CDC14A: variants seen among roughly 807,000 people sequenced by gnomAD.
CDC14A encodes dual specificity protein phosphatase CDC14A.
CDC14A carries 53 observed loss-of-function variants against 74.4 expected under a neutral mutation model. That is an observed-to-expected ratio of 0.71 (90% confidence interval 0.57 to 0.89). CDC14A has a LOEUF of 0.89. Among genes scored for constraint, CDC14A ranks in the 40% least tolerant of loss-of-function variants. The pLI is 0.00. For synonymous variants in CDC14A, 247 were observed against 258.4 expected, an observed-to-expected ratio of 0.96 and a Z score of 0.43; for missense variants, 646 against 713.7, an observed-to-expected ratio of 0.91 and a Z score of 1.08.
At chr1:100,465,229 C>T (rs894471316) in intron 9 of CDC14A, among the ~76,000 whole-genome samples, 6 of 152,222 alleles carry the variant, frequency 3.9e-5, no homozygotes, top group Non-Finnish European at 7.4e-5. Flanking sequence ...TCCCAAAGTG[C>T]GGGGATTACA....
At chr1:100,373,854 G>A (rs1241508975) in intron 2 of CDC14A, among the ~76,000 whole-genome samples, 2 of 151,832 alleles carry the variant, frequency 1.3e-5, no homozygotes, top group Admixed American at 6.6e-5. Flanking sequence ...TGCACAATGT[G>A]CAGGTTAGTT....
chr1:100,504,913 C>T (rs1649101543), intron 15 of CDC14A: 2 of 1,529,512 alleles, frequency 1.3e-6, no homozygotes, highest in East Asian at 2.4e-5. Flanking sequence ...TATTACCTCC[C>T]ATGTCTTCTG....
At chr1:100,408,178 T>G (rs1257075677) in intron 4 of CDC14A, among the ~76,000 whole-genome samples, 1 of 152,234 alleles carries the variant, frequency 6.6e-6, no homozygotes, top group Non-Finnish European at 1.5e-5. Context: ...TTTGGTTTTC[T>G]GTTCCTGCAA....
intron 4 of CDC14A, among the ~76,000 whole-genome samples, chr1:100,412,709 T>TA (rs1322246207): frequency 1.0e-5 from 1 of 100,028 alleles, no homozygotes; most frequent in Non-Finnish European, 1.8e-5. Context: ...TATATATATA[T>TA]ATATATATAT....
intron 4 of CDC14A, chr1:100,393,037 A>C (rs1571047566): frequency 7.3e-7 from 1 of 1,378,776 alleles, no homozygotes; most frequent in East Asian, 2.3e-5. Context: ...GTCTTTTCAG[A>C]AGTCTTGCCG....
intron 6 of CDC14A, among the ~76,000 whole-genome samples, chr1:100,441,347 G>A (rs1286911824): frequency 6.6e-6 from 1 of 152,138 alleles, no homozygotes; most frequent in Admixed American, 6.5e-5. Flanking sequence ...GACATTTCCT[G>A]TAAGTTCATT....
At position 100,519,457 on chromosome 1, in the gene CDC14A, G is replaced by C. The variant is rs1650516522; in HGVS notation, c.*1177G>C. 1 of 152,060 alleles carries C rather than the reference G, an allele frequency of 6.6e-6. No individual in the cohort carries two copies. The highest frequency in any genetic ancestry group is 1.5e-5 in the Non-Finnish European group (1 of 67,974). 9.4% of individuals were successfully genotyped at this position (152,060 alleles called of 1,614,324 possible). On this transcript the variant is annotated 3_prime_UTR_variant, in exon 16 of 16. Coordinates refer to ENST00000336454, the MANE Select transcript of CDC14A (RefSeq NM_003672.4). The stretch of plus-strand genomic sequence containing the variant: ...TCATTTCTATGAGGAATCGAGGAGC[G>C]TTACATCCTGATATCCTTCCAGGCT...
At chr1:100,487,143 G>A (rs954223221) in intron 11 of CDC14A, among the ~76,000 whole-genome samples, 2 of 152,168 alleles carry the variant, frequency 1.3e-5, no homozygotes, top group East Asian at 3.9e-4. Context: ...TCTTGAGATT[G>A]ACTTTTAAAA....
intron 11 of CDC14A, chr1:100,486,017 C>G (rs994756461): frequency 2.6e-5 from 4 of 152,128 alleles, no homozygotes; most frequent in African/African-American, 9.7e-5. Context: ...TCCAGTTTCA[C>G]CTATTAAGAG....
chr1:100,351,973 AGTGTGT>A (rs35169146), upstream of CDC14A, among the ~76,000 whole-genome samples: 730 of 146,156 alleles, frequency 5.0e-3, 4 homozygotes, highest in African/African-American at 0.014. Context: ...GGTTTTTACG[AGTGTGT>A]GTGTGTGTGT....
At chr1:100,422,421 A>G (rs190955599) in intron 4 of CDC14A, among the ~76,000 whole-genome samples, 11 of 152,300 alleles carry the variant, frequency 7.2e-5, no homozygotes, top group African/African-American at 2.6e-4. Flanking sequence ...CCTTTTAGCA[A>G]CCAGTCACCT....
At chr1:100,390,595 C>G (rs1022435554) in intron 3 of CDC14A, 137 bp from the exon 4 acceptor site, 6 of 602,580 alleles carry the variant, frequency 1.0e-5, no homozygotes, top group Non-Finnish European at 1.8e-5. Flanking sequence ...CCTCAAATGC[C>G]ATAGAAATTA....
At chr1:100,468,606 C>G (rs1668080294) in intron 10 of CDC14A, among the ~76,000 whole-genome samples, 1 of 152,216 alleles carries the variant, frequency 6.6e-6, no homozygotes, top group African/African-American at 2.4e-5. Flanking sequence ...AGTTCTGGCT[C>G]TCCACTAACT....
chr1:100,463,747 A>G (rs1014666048), intron 9 of CDC14A, among the ~76,000 whole-genome samples: 4 of 152,210 alleles, frequency 2.6e-5, no homozygotes, highest in Non-Finnish European at 4.4e-5. Flanking sequence ...GAGGAGGCTT[A>G]AAATCCACTC....
At chr1:100,380,087 G>A (rs1220510351) in intron 3 of CDC14A, among the ~76,000 whole-genome samples, 1 of 152,106 alleles carries the variant, frequency 6.6e-6, no homozygotes, top group African/African-American at 2.4e-5. Flanking sequence ...ACATAATAAA[G>A]TTACCAATGT....
chr1:100,424,621 CATT>C (rs1326619011), intron 5 of CDC14A, among the ~76,000 whole-genome samples: 2 of 152,110 alleles, frequency 1.3e-5, no homozygotes, highest in Non-Finnish European at 2.9e-5. Flanking sequence ...TAATCTACAT[CATT>C]GATTCATCCA....
chr1:100,351,871 G>A (rs1404173614), upstream of CDC14A: 2 of 1,421,402 alleles, frequency 1.4e-6, no homozygotes, highest in African/African-American at 1.4e-5. Flanking sequence ...TTTTTCAATT[G>A]TATTTTTTAT....
intron 4 of CDC14A, chr1:100,393,405 G>A (rs1657981232): frequency 2.5e-6 from 2 of 814,380 alleles, no homozygotes; most frequent in East Asian, 4.8e-5. Context: ...TTGCCATGCA[G>A]TAATGCCATT....
chr1:100,347,421 G>T, intron 1 of CDC14A, among the ~76,000 whole-genome samples: 1 of 152,178 alleles, frequency 6.6e-6, no homozygotes, highest in Admixed American at 6.5e-5. Context: ...GGAACTAGCT[G>T]ATCTCCCAGG....
Sources: gnomAD v4.1 joint callset for allele counts (sites outside exome capture counted in the v4.1 genomes callset) on GRCh38, gnomAD v4.1.1 for gene constraint, MANE v1.5 for transcripts, NCBI Gene and HGNC (gene_info 2026-07-23, HGNC 2026-07-21) for gene names.